Variants in RARB observed in about 807,000 individuals in gnomAD.
RARB encodes HBV-activated protein.
A neutral mutation model predicts 51.9 loss-of-function variants in RARB; 17 were observed. That is an observed-to-expected ratio of 0.33 (90% CI 0.22 to 0.49). The LOEUF is 0.49. RARB is among the 20% of genes least tolerant of loss of function. The pLI is 0.99. For missense variants in RARB, 369 were observed against 550.8 expected (o/e 0.67, Z 3.30); for synonymous variants, 215 against 195.4 (o/e 1.10, Z -0.84).
intron 2 of RARB, among the ~76,000 whole-genome samples, chr3:24,982,163 C>T (rs1384299097): frequency 1.3e-5 from 2 of 152,212 alleles, no homozygotes; most frequent in South Asian, 2.1e-4. Context: ...GGCCTGGGCA[C>T]TCTCTCAGCT....
intron 2 of RARB, among the ~76,000 whole-genome samples, chr3:24,888,539 G>T (rs1428761362): frequency 1.3e-5 from 2 of 151,934 alleles, no homozygotes; most frequent in East Asian, 3.9e-4. Flanking sequence ...AGCCAAAGTT[G>T]GGTTTAAATG....
intron 2 of RARB, among the ~76,000 whole-genome samples, chr3:24,897,948 G>A (rs1200251658): frequency 3.3e-5 from 5 of 152,230 alleles, no homozygotes; most frequent in South Asian, 2.1e-4. Flanking sequence ...GAAGCATCTC[G>A]TGGAAGTGGG....
At chr3:25,502,840 G>A (rs966818255) in intron 3 of RARB, among the ~76,000 whole-genome samples, 1 of 152,216 alleles carries the variant, frequency 6.6e-6, no homozygotes, top group Non-Finnish European at 1.5e-5. Flanking sequence ...AGATGGAAAA[G>A]TGGAAAGACA....
chr3:25,455,373 C>T (rs145583076), intron 1 of RARB, among the ~76,000 whole-genome samples: 72 of 152,246 alleles, frequency 4.7e-4, no homozygotes, highest in African/African-American at 1.6e-3. Flanking sequence ...CTGAAAAGCA[C>T]GAATTTAAAG....
chr3:25,398,922 CA>C (rs1232646781), intron 5 of RARB, among the ~76,000 whole-genome samples: 3 of 152,100 alleles, frequency 2.0e-5, no homozygotes, highest in Non-Finnish European at 4.4e-5. Flanking sequence ...TCGACTTACA[CA>C]AAGGAAAGGT....
At chr3:25,278,272 G>A (rs192133789) in intron 5 of RARB, among the ~76,000 whole-genome samples, 56 of 152,236 alleles carry the variant, frequency 3.7e-4, no homozygotes, top group South Asian at 1.0e-3. Context: ...CTGTTTTGTC[G>A]TAAAGATTAA....
intron 3 of RARB, among the ~76,000 whole-genome samples, chr3:25,507,132 A>G (rs1372863098): frequency 2.6e-5 from 4 of 152,246 alleles, no homozygotes; most frequent in Non-Finnish European, 5.9e-5. Flanking sequence ...AGATAGTATG[A>G]TTCTTCACAC....
chr3:25,548,193 C>A (rs1308074689), intron 3 of RARB, among the ~76,000 whole-genome samples: 2 of 148,616 alleles, frequency 1.3e-5, no homozygotes, highest in Non-Finnish European at 3.0e-5. Context: ...CAGAATCAAT[C>A]ACTGTGGTAG....
At chr3:25,314,878 T>G (rs1433232955) in intron 5 of RARB, among the ~76,000 whole-genome samples, 1 of 152,124 alleles carries the variant, frequency 6.6e-6, no homozygotes, top group Non-Finnish European at 1.5e-5. Context: ...ACAGTGTCTG[T>G]TGCTTCCATC....
chr3:25,145,451 T>C (rs1575180893), intron 4 of RARB, among the ~76,000 whole-genome samples: 1 of 152,174 alleles, frequency 6.6e-6, no homozygotes, highest in Non-Finnish European at 1.5e-5. Flanking sequence ...TTTGAGTGAT[T>C]CTTAGAGCTT....
chr3:25,171,365 A>T lies in RARB; in HGVS notation c.-279-2754A>T, dbSNP rs148247723. ...TCCAGGAATAGCCTTAATCAGTCACATATGTGAACATAGACCCAGTGACTG... is the reference window on the plus strand; with the variant it reads ...TCCAGGAATAGCCTTAATCAGTCACTTATGTGAACATAGACCCAGTGACTG... On this transcript the variant is annotated intron_variant, in intron 4 of 11. Transcript: ENST00000383772. Among the ~76,000 whole-genome samples the T allele has an allele frequency of 4.7e-3, 705 of 150,932 alleles. 4 individuals carry two copies. Among genetic ancestry groups the T allele is most frequent in the African/African-American group, 0.016 (657 of 41,024 alleles).
chr3:24,908,663 GTTTT>G (rs59008287), intron 2 of RARB, among the ~76,000 whole-genome samples: 8,458 of 93,142 alleles, frequency 0.091, 290 homozygotes, highest in East Asian at 0.16. Context: ...AACCACAACT[GTTTT>G]TTTTTTTTTT....
chr3:25,435,547 A>C (rs1261564595), intron 1 of RARB, among the ~76,000 whole-genome samples: 1 of 152,188 alleles, frequency 6.6e-6, no homozygotes, highest in Non-Finnish European at 1.5e-5. Flanking sequence ...TTGGGGGTTT[A>C]ATTAACTAAA....
At position 25,255,719 on chromosome 3, in the gene RARB, G is replaced by T. The variant is rs112380151; in HGVS notation, c.178+81144G>T. ...AGTGGTTTATGCAGTACAGTTTTGT[G>T]GACCTTTTAGTCGAGTTGCTCAAGT... On this transcript the variant is annotated intron_variant, in intron 5 of 11. Transcript: ENST00000383772. Among the ~76,000 whole-genome samples the T allele has an allele frequency of 2.8e-3, 423 of 152,080 alleles. 2 individuals are homozygous for T. The highest frequency in any genetic ancestry group is 9.8e-3 in the African/African-American group (408 of 41,488).
At chr3:25,479,142 GT>G (rs1320948091) in intron 2 of RARB, among the ~76,000 whole-genome samples, 8 of 151,738 alleles carry the variant, frequency 5.3e-5, no homozygotes, top group Admixed American at 5.3e-4. Context: ...AATGTTGTCT[GT>G]CTGTCTGTCT....
At chr3:24,914,573 C>T (rs984476957) in intron 2 of RARB, among the ~76,000 whole-genome samples, 1 of 152,128 alleles carries the variant, frequency 6.6e-6, no homozygotes, top group African/African-American at 2.4e-5. Flanking sequence ...ACTCGTGTCC[C>T]TGATAGAAAA....
chr3:24,927,387 T>C (rs1438165904), intron 2 of RARB, among the ~76,000 whole-genome samples: 3 of 152,036 alleles, frequency 2.0e-5, no homozygotes, highest in African/African-American at 4.8e-5. Context: ...CTACAAATAA[T>C]GAATTTGTAT....
intron 5 of RARB, among the ~76,000 whole-genome samples, chr3:25,184,625 C>A (rs1219981555): frequency 1.3e-5 from 2 of 151,974 alleles, no homozygotes; most frequent in Non-Finnish European, 2.9e-5. Flanking sequence ...CCTCTGTGTG[C>A]CATTTTCTCT....
At chr3:25,067,921 G>A (rs552148884) in intron 3 of RARB, among the ~76,000 whole-genome samples, 26 of 151,962 alleles carry the variant, frequency 1.7e-4, no homozygotes, top group Non-Finnish European at 3.2e-4. Flanking sequence ...TGGATCACTC[G>A]AGGTCAGGAG....
Sources: allele counts gnomAD v4.1 joint callset (sites outside exome capture counted in the v4.1 genomes callset), GRCh38; gene constraint gnomAD v4.1.1; transcripts MANE v1.5; gene names NCBI Gene and HGNC (gene_info 2026-07-23, HGNC 2026-07-21).